The following ZNF527 variants were observed in gnomAD, a reference collection of about 807,000 sequenced individuals.
The protein encoded by ZNF527 is zinc finger protein 527.
Under a neutral mutation model 13.5 loss-of-function variants are expected in ZNF527, and 5 were observed. The observed-to-expected ratio is 0.37, with a 90% CI of 0.19 to 0.78. The LOEUF (loss-of-function observed/expected upper bound fraction) is 0.78, where lower values mean the gene tolerates loss of function less well. ZNF527 is among the 30% of genes least tolerant of loss of function. The pLI is 0.48. For missense variants in ZNF527, 628 were observed against 726.4 expected, an observed-to-expected ratio of 0.86 and a Z score of 1.56; for synonymous variants, 209 against 243.1, an observed-to-expected ratio of 0.86 and a Z score of 1.30.
chr19:37,378,632 A>T (rs74620908), intron 2 of ZNF527, among the ~76,000 whole-genome samples: 49 of 152,182 alleles, frequency 3.2e-4, no homozygotes, highest in Non-Finnish European at 6.5e-4. Context: ...TAACCTTCCA[A>T]TGAAAATTCT....
intron 2 of ZNF527, among the ~76,000 whole-genome samples, chr19:37,378,230 T>C (rs1344132211): frequency 6.6e-6 from 1 of 151,930 alleles, no homozygotes; most frequent in Non-Finnish European, 1.5e-5. Context: ...GTGTCACCAT[T>C]TTGGCCAGAC....
At chr19:37,381,106 C>T (rs1156416756) in intron 4 of ZNF527, among the ~76,000 whole-genome samples, 11 of 152,040 alleles carry the variant, frequency 7.2e-5, no homozygotes, top group Admixed American at 7.2e-4. Flanking sequence ...TTTATTATGG[C>T]CATTTAGTGC....
At position 37,380,354 on chromosome 19, in the gene ZNF527, TCA is replaced by T; in HGVS notation, c.241_242del (p.Gln81GlyfsTer11). ...KEPWMVERKM[S>X]QGHCADWESW... ...ACCGTGGATGGTGGAGAGAAAGATG[TCA>T]CAGGGTCACTGTGCAGGTGAGTGAC... On this transcript the variant is annotated frameshift_variant, in exon 4 of 5. Transcript: ENST00000436120. LOFTEE classifies it low-confidence loss of function (END_TRUNC). The T allele has an allele frequency of 6.2e-7, 1 of 1,613,948 alleles. No homozygotes were observed. Among genetic ancestry groups the T allele is most frequent in the Non-Finnish European group, 8.5e-7 (1 of 1,179,900 alleles).
Position 37,376,656 on chromosome 19 carries a change from G to T in ZNF527, c.33+2425G>T, listed in dbSNP as rs1320108170. Among the ~76,000 whole-genome samples, 3 of 146,908 alleles carry T rather than the reference G, an allele frequency of 2.0e-5. No individual in the cohort carries two copies. In the Admixed American group the frequency reaches 2.0e-4, roughly 10 times the overall value. ...GCCATTGCACTCCAGCCTGGGGCCT[G>T]GGTGACACGAGTGAAACTCCATCTC... On this transcript the variant is annotated intron_variant, in intron 2 of 4. Coordinates refer to ENST00000436120, the MANE Select transcript of ZNF527 (RefSeq NM_032453.2).
intron 2 of ZNF527, among the ~76,000 whole-genome samples, chr19:37,378,659 A>G (rs1046058704): frequency 2.0e-5 from 3 of 152,262 alleles, no homozygotes; most frequent in African/African-American, 4.8e-5. Flanking sequence ...GTTGCTTCAC[A>G]TATACCTCAT....
At position 37,388,855 on chromosome 19, in the gene ZNF527, T is replaced by C. The variant is rs979499198; in HGVS notation, c.806T>C (p.Phe269Ser). The change falls in exon 5 of 5, where the codon TTT becomes TCT. Residue 269 changes from phenylalanine (F) to serine (S), a missense_variant. Phe to Ser is a radical substitution (Grantham distance 155). Around this residue, in one of 3 missense-constraint regions of ZNF527, gnomAD observed 592 missense variants for 678.0 expected, o/e 0.87. Transcript: ENST00000436120. ...TTTACTCAACATCAGACCACTCATT[T>C]TGGAAAATTACCCCATGGATACGAT... ...SLFTQHQTTH[F>S]GKLPHGYDEC... is the part of the protein sequence containing the mutation. The C allele has an allele frequency of 1.2e-6, 2 of 1,614,066 alleles. No homozygotes were observed. The highest frequency in any genetic ancestry group is 1.7e-6 in the Non-Finnish European group (2 of 1,180,048).
chr19:37,389,811 G>C lies in ZNF527; in HGVS notation c.1762G>C (p.Gly588Arg), dbSNP rs552214606. 2.5e-6 allele frequency: 4 copies of C among 1,613,166 alleles called. No homozygotes were observed. The African/African-American group carries it at 5.3e-5, about 21-fold the overall frequency. The change falls in exon 5 of 5, where the codon GGG (glycine) becomes CGG (arginine). Residue 588 changes from glycine to arginine, a missense_variant. By Grantham distance (125) the Gly-to-Arg change is moderately radical (BLOSUM62 -2). Transcript: ENST00000436120. Reference sequence around the variant, plus strand: ...AAAACCTTATAAATGTAACGAATGTGGGAATAATTTTAGCTGTGTCTCAGC... The same window carrying C: ...AAAACCTTATAAATGTAACGAATGTCGGAATAATTTTAGCTGTGTCTCAGC... ...GEKPYKCNECGNNFSCVSALR... is the reference protein window; with the variant it reads ...GEKPYKCNECRNNFSCVSALR...
In ZNF527 at chr19:37,392,430, T is replaced by A. The variant is rs2146831166; in HGVS notation, c.*2551T>A. 1 of 152,186 alleles carries A rather than the reference T, an allele frequency of 6.6e-6. No homozygotes were observed. The highest frequency in any genetic ancestry group is 6.5e-5 in the Admixed American group (1 of 15,272). 9.4% of individuals were successfully genotyped at this position (152,186 alleles called of 1,614,324 possible). A position where few individuals can be genotyped will look rare whatever the true frequency, so the allele number is the denominator to read the frequency against. On this transcript the variant is annotated 3_prime_UTR_variant, in exon 5 of 5. Transcript: ENST00000436120. ...TTTGAGACAGGGTCTCACTCTGTTA[T>A]CCAGGCTGGAATGCGGTGACACAAT...
chr19:37,372,578 G>A (rs1331263246), intron 1 of ZNF527, among the ~76,000 whole-genome samples: 1 of 135,462 alleles, frequency 7.4e-6, no homozygotes, highest in Non-Finnish European at 1.5e-5. Flanking sequence ...GTTCAATCAA[G>A]CCTCCCACCT....
chr19:37,385,628 T>C, intron 4 of ZNF527: 1 of 311,758 alleles, frequency 3.2e-6, no homozygotes, highest in Non-Finnish European at 5.8e-6. Context: ...AAAATCCTTA[T>C]GGAATTCTGG....
chr19:37,385,690 TA>T (rs1477189551), intron 4 of ZNF527: 1 of 208,356 alleles, frequency 4.8e-6, no homozygotes, highest in African/African-American at 2.3e-5. Context: ...ATGCATATAT[TA>T]TTTTTTTGCT....
In ZNF527 at chr19:37,389,299, A is replaced by C; in HGVS notation, c.1250A>C (p.Asn417Thr). The change falls in exon 5 of 5, where the codon AAT becomes ACT. Residue 417 changes from asparagine (N) to threonine (T), a missense_variant. Coordinates refer to ENST00000436120, the MANE Select transcript of ZNF527 (RefSeq NM_032453.2). ...ACTGGAGAGAAACCCTATGAATGTA[A>C]TCAGTGTGGAAAAGCCTTCAGCAGA... ...IHTGEKPYEC[N>T]QCGKAFSRRI... 6.2e-7 allele frequency: 1 copy of C among 1,614,028 alleles called. No individual in the cohort carries two copies. Among genetic ancestry groups the C allele is most frequent in the South Asian group, 1.1e-5 (1 of 91,062 alleles).
intron 4 of ZNF527, chr19:37,385,483 A>G (rs2040690627): frequency 2.5e-6 from 1 of 397,028 alleles, no homozygotes; most frequent in Admixed American, 4.4e-5. Context: ...TTTTGGTGGA[A>G]GAAAGGTATA....
rs577102904 is a variant in ZNF527 at position 37,388,353 on chromosome 19, A to G, written c.304A>G (p.Ile102Val). Residue 102 changes from isoleucine to valine, a missense_variant, in exon 5 of 5, where the codon ATT becomes GTT. By Grantham distance (29) the Ile-to-Val change is conservative (BLOSUM62 3). Coordinates refer to ENST00000436120, the MANE Select transcript of ZNF527 (RefSeq NM_032453.2). ...EIEELSPKWF[I>V]DEDEISQEMV... ...TGAGGAATTATCTCCAAAATGGTTC[A>G]TTGATGAAGATGAAATATCCCAGGA... 64 of 1,614,092 alleles carry G rather than the reference A, an allele frequency of 4.0e-5. No homozygotes were observed. The East Asian group carries it at 8.2e-4, about 21-fold the overall frequency.
chr19:37,375,297 T>C (rs2040593535), intron 2 of ZNF527, among the ~76,000 whole-genome samples: 1 of 124,908 alleles, frequency 8.0e-6, no homozygotes, highest in African/African-American at 3.4e-5. Context: ...TTTCTTTCTT[T>C]CTTTCTTTCT....
Position 37,390,398 on chromosome 19 carries a change from A to G in ZNF527, c.*519A>G, listed in dbSNP as rs2040743006. ...CCTCAATGCATATGATTCAGATGAAACTGTTAATCAGGGACAGCAGTGGAC... is the reference window on the plus strand; with the variant it reads ...CCTCAATGCATATGATTCAGATGAAGCTGTTAATCAGGGACAGCAGTGGAC... On this transcript the variant is annotated 3_prime_UTR_variant, in exon 5 of 5. Transcript: ENST00000436120. 1 of 154,242 alleles carries G rather than the reference A, an allele frequency of 6.5e-6. No individual in the cohort carries two copies. The highest frequency in any genetic ancestry group is 6.4e-5 in the Admixed American group (1 of 15,686). 9.6% of individuals were successfully genotyped at this position (154,242 alleles called of 1,614,324 possible).
chr19:37,384,188 T>C (rs1365398007), intron 4 of ZNF527, among the ~76,000 whole-genome samples: 15 of 151,820 alleles, frequency 9.9e-5, no homozygotes, highest in Non-Finnish European at 2.2e-4. Context: ...CGTGGTGGTG[T>C]GTTCCTGTAA....
At chr19:37,381,653 G>C (rs2040654977) in intron 4 of ZNF527, among the ~76,000 whole-genome samples, 1 of 152,068 alleles carries the variant, frequency 6.6e-6, no homozygotes, top group African/African-American at 2.4e-5. Context: ...TATCTTGGGG[G>C]AGATACTTTG....
rs74620908 is a variant in ZNF527, at chr19:37,378,632, A to G, written c.34-488A>G. Among the ~76,000 whole-genome samples, 407 of 152,298 alleles carry G rather than the reference A, an allele frequency of 2.7e-3. 1 individual carries two copies. Among genetic ancestry groups the G allele is most frequent in the African/African-American group, 9.3e-3 (386 of 41,554 alleles). ...TCCAGATTTTTTGCATAACCTTCCAATGAAAATTCTATCTAAGTTGCTTCA... is the reference window on the plus strand; with the variant it reads ...TCCAGATTTTTTGCATAACCTTCCAGTGAAAATTCTATCTAAGTTGCTTCA... On this transcript the variant is annotated intron_variant, in intron 2 of 4. Coordinates refer to ENST00000436120, the MANE Select transcript of ZNF527 (RefSeq NM_032453.2).
Sources: gnomAD v4.1 joint callset for allele counts (sites outside exome capture counted in the v4.1 genomes callset) on GRCh38, gnomAD v4.1.1 for gene constraint, gnomAD v4.1.1 regional missense constraint, MANE v1.5 for transcripts, NCBI Gene and HGNC (gene_info 2026-07-23, HGNC 2026-07-21) for gene names.